The following TM6SF1 variants were observed in gnomAD, a reference collection of about 807,000 sequenced individuals.
TM6SF1 encodes transmembrane 6 superfamily member 1.
Under a neutral mutation model 47.1 loss-of-function variants are expected in TM6SF1, and 43 were observed. The ratio of observed to expected loss-of-function variants is 0.91; its 90% CI spans 0.72 to 1.18. TM6SF1 has a LOEUF of 1.18. TM6SF1 is among the 50% of genes most tolerant of loss of function. The pLI, the probability that TM6SF1 is intolerant of heterozygous loss-of-function variation, is 0.00. For missense variants in TM6SF1, 390 were observed against 449.0 expected, an observed-to-expected ratio of 0.87 and a Z score of 1.19; for synonymous variants, 177 against 166.3, an observed-to-expected ratio of 1.06 and a Z score of -0.49.
chr15:83,128,028 A>C (rs1420163216), intron 9 of TM6SF1: 1 of 152,396 alleles, frequency 6.6e-6, no homozygotes, highest in Admixed American at 6.5e-5. Flanking sequence ...TTATCTATGG[A>C]GAACTTCACA....
At chr15:83,116,304 G>C (rs1433465820) in intron 3 of TM6SF1, among the ~76,000 whole-genome samples, 1 of 152,144 alleles carries the variant, frequency 6.6e-6, no homozygotes, top group African/African-American at 2.4e-5. Context: ...TCTTAAATTT[G>C]TAAAGTACCC....
intron 6 of TM6SF1, among the ~76,000 whole-genome samples, chr15:83,123,646 CCTT>C (rs1264248124): frequency 6.6e-6 from 1 of 152,098 alleles, no homozygotes; most frequent in Non-Finnish European, 1.5e-5. Context: ...CATTTAGACA[CCTT>C]CTATGTAAAC....
intron 4 of TM6SF1, among the ~76,000 whole-genome samples, chr15:83,120,584 A>C (rs1471779737): frequency 6.1e-5 from 9 of 147,156 alleles, no homozygotes; most frequent in African/African-American, 1.8e-4. Context: ...GCTCCAGCTA[A>C]TTCTTTTTTT....
intron 3 of TM6SF1, among the ~76,000 whole-genome samples, chr15:83,119,200 G>A (rs1189898205): frequency 6.6e-6 from 1 of 152,202 alleles, no homozygotes; most frequent in Non-Finnish European, 1.5e-5. Flanking sequence ...TGGAAAGCAG[G>A]GTCATCCCTG....
At chr15:83,109,693 C>T (rs1426746511) in intron 1 of TM6SF1, among the ~76,000 whole-genome samples, 2 of 152,280 alleles carry the variant, frequency 1.3e-5, no homozygotes, top group South Asian at 2.1e-4. Context: ...GTGCAAGTCT[C>T]GCTGCCCAGC....
At chr15:83,129,745 G>A (rs1044732272) in intron 9 of TM6SF1, 1 of 152,374 alleles carries the variant, frequency 6.6e-6, no homozygotes, top group Non-Finnish European at 1.5e-5. Context: ...GTGACATTCC[G>A]AGTTGGACTC....
Position 83,122,943 on chromosome 15 carries a change from C to A in TM6SF1, c.603+65C>A. ...CATAGGGTTCTTTCGCATCCACTGG[C>A]CACTGAATTGAACCATGCCTCTGTG... is the stretch of plus-strand genomic sequence containing the variant. On this transcript the variant is annotated intron_variant, in intron 6 of 9. Transcript: ENST00000322019. 4 of 1,582,388 alleles carry A rather than the reference C, an allele frequency of 2.5e-6. 1 individual carries two copies. The South Asian group carries it at 3.4e-5, about 14-fold the overall frequency.
At chr15:83,126,966 G>C in intron 8 of TM6SF1, 119 bp downstream of exon 8, 1 of 734,558 alleles carries the variant, frequency 1.4e-6, no homozygotes, top group Non-Finnish European at 2.2e-6. Flanking sequence ...GCCGAGGCAG[G>C]TTGATCACGA....
chr15:83,119,682 G>A lies in TM6SF1; in HGVS notation c.398+1G>A. On this transcript the variant is annotated splice_donor_variant, in intron 4 of 9. Transcript: ENST00000322019. LOFTEE classifies it high-confidence loss of function. Reference sequence around the variant, plus strand: ...TGATGGTGGCAGCCATAGCATGGGAGTAAGTCAGTTCACCTGGTGTGTGCC... The same window carrying A: ...TGATGGTGGCAGCCATAGCATGGGAATAAGTCAGTTCACCTGGTGTGTGCC... 2 of 1,614,162 alleles carry A rather than the reference G, an allele frequency of 1.2e-6. No individual in the cohort carries two copies. The highest frequency in any genetic ancestry group is 1.7e-6 in the Non-Finnish European group (2 of 1,179,996).
chr15:83,131,340 T>C (rs2036232856), intron 9 of TM6SF1: 1 of 151,836 alleles, frequency 6.6e-6, no homozygotes, highest in African/African-American at 2.4e-5. Context: ...GGAAGAAATA[T>C]TGAGTAGTGG....
At chr15:83,111,087 GTC>G (rs1354243805) in intron 1 of TM6SF1, among the ~76,000 whole-genome samples, 1 of 152,028 alleles carries the variant, frequency 6.6e-6, no homozygotes, top group Non-Finnish European at 1.5e-5. Context: ...GGCCAGGCTG[GTC>G]TCCAACTCCT....
chr15:83,126,924 G>A (rs2035808864), intron 8 of TM6SF1, 77 bp downstream of exon 8: 1 of 1,161,060 alleles, frequency 8.6e-7, no homozygotes, highest in Non-Finnish European at 1.3e-6. Context: ...TGGGTGCGGT[G>A]GCTCACGCCT....
intron 9 of TM6SF1, chr15:83,129,461 CATA>C (rs1038760222): frequency 5.3e-5 from 8 of 152,086 alleles, no homozygotes; most frequent in African/African-American, 1.2e-4. Context: ...ACAATGGACA[CATA>C]ATAATATCTT....
chr15:83,124,588 C>T, intron 6 of TM6SF1, 84 bp from the exon 7 acceptor site: 2 of 1,020,558 alleles, frequency 2.0e-6, no homozygotes, highest in South Asian at 1.4e-5. Flanking sequence ...TTCTCTTATC[C>T]ATCATCATGA....
intron 3 of TM6SF1, among the ~76,000 whole-genome samples, chr15:83,118,425 G>C (rs1371005467): frequency 2.0e-5 from 3 of 152,216 alleles, no homozygotes; most frequent in Non-Finnish European, 4.4e-5. Flanking sequence ...CTGGCTCAGA[G>C]AGCCAGGTGT....
At position 83,107,659 on chromosome 15, in the gene TM6SF1, G is replaced by A; in HGVS notation, c.-22G>A. 2 of 1,532,312 alleles carry A rather than the reference G, an allele frequency of 1.3e-6. No individual in the cohort carries two copies. Among genetic ancestry groups the A allele is most frequent in the Non-Finnish European group, 8.8e-7 (1 of 1,140,288 alleles). 94.9% of individuals were successfully genotyped at this position (1,532,312 alleles called of 1,614,324 possible). A position where few individuals can be genotyped will look rare whatever the true frequency, so the allele number is the denominator to read the frequency against. On this transcript the variant is annotated 5_prime_UTR_variant, in exon 1 of 10. Transcript: ENST00000322019. The surrounding 1 kb of genome is among the most constrained non-coding windows in gnomAD (Gnocchi z 5.6). ...GGGCGCCCAGCGGGATGCGGTGAAG[G>A]GCGAGCGGCGCGGCGGCTGCGATGA...
chr15:83,127,246 G>A, intron 8 of TM6SF1, 112 bp from the exon 9 acceptor site: 2 of 1,141,398 alleles, frequency 1.8e-6, no homozygotes, highest in East Asian at 2.9e-5. Context: ...GTCCCATATA[G>A]GAAATAGGAA....
At chr15:83,120,389 G>T (rs959646958) in intron 4 of TM6SF1, among the ~76,000 whole-genome samples, 3 of 152,062 alleles carry the variant, frequency 2.0e-5, no homozygotes, top group Non-Finnish European at 4.4e-5. Flanking sequence ...TTTCTGCTGG[G>T]GCCCCTGTAA....
At chr15:83,131,974 T>G (rs532228936) in intron 9 of TM6SF1, 1 of 152,338 alleles carries the variant, frequency 6.6e-6, no homozygotes, top group Admixed American at 6.5e-5. Flanking sequence ...CCAAAGCCAG[T>G]AGAGTTCATA....
Sources: gnomAD v4.1 joint callset for allele counts (sites outside exome capture counted in the v4.1 genomes callset) on GRCh38, gnomAD v4.1.1 for gene constraint, Gnocchi (gnomAD v3.1) non-coding constraint, MANE v1.5 for transcripts, NCBI Gene and HGNC (gene_info 2026-07-23, HGNC 2026-07-21) for gene names.